NPHS1: variants seen among roughly 807,000 people sequenced by gnomAD.
The protein encoded by NPHS1 is nephrin.
NPHS1 carries 107 observed loss-of-function variants against 139.7 expected under a neutral mutation model. That is an observed-to-expected ratio of 0.77 (90% confidence interval 0.66 to 0.90). NPHS1 has a LOEUF of 0.90. Ranked by LOEUF, NPHS1 falls within the 40% of genes least tolerant of loss-of-function variation. The pLI, the probability that NPHS1 is intolerant of heterozygous loss-of-function variation, is 0.00. For synonymous variants in NPHS1, 707 were observed against 706.6 expected (o/e 1.00, Z -0.01); for missense variants, 1,580 against 1,654.2 (o/e 0.96, Z 0.78).
rs765920439 is a variant in NPHS1 at position 35,839,370 on chromosome 19, T to G, written c.2976A>C (p.Pro992=). Residue 992 remains proline, a synonymous_variant, in exon 22 of 29, where the codon CCA becomes CCC. Coordinates refer to ENST00000378910, the MANE Select transcript of NPHS1 (RefSeq NM_004646.4). ...TCAGCGTGAAGGTGGTGGCCTGGGG[T>G]GGTACGACATCCACATAGTGGAACC... ...TPGFHYVDVV[P]PQATTFTLTG... 6.2e-7 allele frequency: 1 copy of G among 1,613,964 alleles called. No homozygotes were observed. The highest frequency in any genetic ancestry group is 1.3e-5 in the African/African-American group (1 of 74,876).
intron 20 of NPHS1, among the ~76,000 whole-genome samples, chr19:35,840,727 C>A (rs1568452645): frequency 6.9e-6 from 1 of 145,004 alleles, no homozygotes; most frequent in Non-Finnish European, 1.5e-5. Context: ...CTTGCTCTGT[C>A]GCCCAGGCTG....
intron 22 of NPHS1, among the ~76,000 whole-genome samples, chr19:35,837,949 A>AAAAAC (rs1159728592): frequency 6.6e-6 from 1 of 151,274 alleles, no homozygotes; most frequent in Non-Finnish European, 1.5e-5. Context: ...AAAAAAAAAA[A>AAAAAC]AAAAAAAAAA....
chr19:35,849,183 T>G (rs778560866), intron 7 of NPHS1, 36 bp from the exon 8 acceptor site: 11 of 1,612,966 alleles, frequency 6.8e-6, no homozygotes, highest in Non-Finnish European at 9.3e-6. Context: ...AGCTCAGGAC[T>G]GGCTCCCAGA....
chr19:35,845,942 G>C lies in NPHS1; in HGVS notation c.1627+66C>G. 6.5e-7 allele frequency: 1 copy of C among 1,533,402 alleles called. No homozygotes were observed. The highest frequency in any genetic ancestry group is 8.8e-7 in the Non-Finnish European group (1 of 1,136,646). The allele number at this position is 1,533,402 out of a possible 1,614,324, so 95.0% of individuals were successfully genotyped here. A position where few individuals can be genotyped will look rare whatever the true frequency, so the allele number is the denominator to read the frequency against. ...TTTCCCCGGGTCCAGGGTTCGCTGG[G>C]TCCCTGCCCCACCTGGCTCTGTCCC... On this transcript the variant is annotated intron_variant, in intron 12 of 28. Coordinates refer to ENST00000378910, the MANE Select transcript of NPHS1 (RefSeq NM_004646.4). This position sits in a 1 kb window ranked among gnomAD's most constrained non-coding sequence, Gnocchi z 5.5.
Position 35,826,500 on chromosome 19 carries a change from G to A in NPHS1, c.*14C>T, listed in dbSNP as rs570221002. 8.1e-6 allele frequency: 13 copies of A among 1,613,258 alleles called. No individual in the cohort carries two copies. Among genetic ancestry groups the A allele is most frequent in the South Asian group, 1.1e-5 (1 of 91,036 alleles). On this transcript the variant is annotated 3_prime_UTR_variant, in exon 29 of 29. Coordinates refer to ENST00000378910, the MANE Select transcript of NPHS1 (RefSeq NM_004646.4). ...AATTCCTGCAGGTGCAGGACAATGGGGTTGAGAGGGCTCTTACACCAGATG... is the reference window on the plus strand; with the variant it reads ...AATTCCTGCAGGTGCAGGACAATGGAGTTGAGAGGGCTCTTACACCAGATG...
At chr19:35,839,043 CGGTT>C (rs1303583331) in intron 22 of NPHS1, among the ~76,000 whole-genome samples, 190 bp downstream of exon 22, 1 of 152,144 alleles carries the variant, frequency 6.6e-6, no homozygotes. Flanking sequence ...TTGTGGTTAA[CGGTT>C]GGTCTCAAGT....
Position 35,850,414 on chromosome 19 carries a change from G to C in NPHS1, c.558C>G (p.Asn186Lys). Residue 186 changes from asparagine (N) to lysine (K), a missense_variant, in exon 5 of 29, where the codon AAC (asparagine) becomes AAG (lysine). Transcript: ENST00000378910. The part of the protein sequence containing the change: ...SGQTISDISA[N>K]VNEGSQQKLF... ...GTTTCTGCTGGGAGCCCTCGTTCACGTTTGCAGAGATGTCAGATATTGTCT... is the reference window on the plus strand; with the variant it reads ...GTTTCTGCTGGGAGCCCTCGTTCACCTTTGCAGAGATGTCAGATATTGTCT... The C allele has an allele frequency of 6.2e-7, 1 of 1,614,170 alleles. No individual in the cohort carries two copies. The highest frequency in any genetic ancestry group is 8.5e-7 in the Non-Finnish European group (1 of 1,180,020).
At chr19:35,829,540 A>T (rs1304033838) in intron 28 of NPHS1, among the ~76,000 whole-genome samples, 1 of 131,362 alleles carries the variant, frequency 7.6e-6, no homozygotes, top group Non-Finnish European at 1.7e-5. Context: ...TTAATTTTTT[A>T]AACTTTTTTT....
rs749618977 is a variant in NPHS1, at chr19:35,850,417, T to C, written c.555A>G (p.Ala185=). 1.2e-6 allele frequency: 2 copies of C among 1,614,054 alleles called. No homozygotes were observed. Among genetic ancestry groups the C allele is most frequent in the Admixed American group, 3.3e-5 (2 of 60,008 alleles). Residue 185 remains alanine (A), a synonymous_variant, in exon 5 of 29, where the codon GCA becomes GCG. Coordinates refer to ENST00000378910, the MANE Select transcript of NPHS1 (RefSeq NM_004646.4). ...TCTGCTGGGAGCCCTCGTTCACGTT[T>C]GCAGAGATGTCAGATATTGTCTGTC... ...LSGQTISDIS[A]NVNEGSQQKL... is the part of the protein sequence containing the mutation.
At chr19:35,834,700 G>T (rs999019427) in intron 23 of NPHS1, among the ~76,000 whole-genome samples, 6 of 151,712 alleles carry the variant, frequency 4.0e-5, no homozygotes. Context: ...GACCATCCTG[G>T]CTAACGCGGT....
intron 28 of NPHS1, 130 bp from the exon 29 acceptor site, chr19:35,826,775 A>G: frequency 2.0e-6 from 2 of 982,546 alleles, no homozygotes; most frequent in Non-Finnish European, 3.2e-6. Context: ...AAATCCCAAC[A>G]TATACAAAAA....
chr19:35,842,358 A>T (rs1973072234), intron 18 of NPHS1, 21 bp downstream of exon 18: 1 of 1,613,102 alleles, frequency 6.2e-7, no homozygotes, highest in Non-Finnish European at 8.5e-7. Context: ...TCTTGAAGTC[A>T]GGTGTTTGGG....
rs765179034 is a variant in NPHS1, at chr19:35,848,142, CA to C, written c.1338del (p.Ile446MetfsTer16). ...NVKYPAQKLW[I>X]EGPPEGQKLR... ...AGCTTCTGGCCCTCTGGGGGACCCT[CA>C]ATCCACAGTTTCTGGGCGGGATCTG... On this transcript the variant is annotated frameshift_variant, in exon 11 of 29. Transcript: ENST00000378910. LOFTEE classifies it high-confidence loss of function. The C allele has an allele frequency of 6.2e-7, 1 of 1,614,068 alleles. No individual in the cohort carries two copies. The highest frequency in any genetic ancestry group is 2.2e-5 in the East Asian group (1 of 44,884).
chr19:35,826,614 GTGTC>G lies in NPHS1; in HGVS notation c.3622_3625del (p.Asp1208HisfsTer28), dbSNP rs1186290245. ...ATAGATTCCTCTTGGATCCTGATAT[GTGTC>G]TTCAGGCCAGTGGAGGTCCCAGGGT... On this transcript the variant is annotated frameshift_variant, in exon 29 of 29. Transcript: ENST00000378910. LOFTEE classifies it high-confidence loss of function. The G allele has an allele frequency of 2.5e-6, 4 of 1,613,922 alleles. No individual in the cohort carries two copies. The Admixed American group carries it at 6.7e-5, about 27-fold the overall frequency.
intron 4 of NPHS1, 35 bp from the exon 5 acceptor site, chr19:35,850,480 C>T (rs756743728): frequency 5.1e-6 from 8 of 1,572,158 alleles, no homozygotes; most frequent in Non-Finnish European, 7.0e-6. Context: ...GGGTTCCAGG[C>T]TCCCCGCAAG....
At position 35,849,329 on chromosome 19, in the gene NPHS1, G is replaced by T. The variant is rs1467712474; in HGVS notation, c.747C>A (p.Gly249=). 6.2e-7 allele frequency: 1 copy of T among 1,612,692 alleles called. No homozygotes were observed. Among genetic ancestry groups the T allele is most frequent in the Non-Finnish European group, 8.5e-7 (1 of 1,179,948 alleles). Reference sequence around the variant, plus strand: ...CTGCCCGCACGTGCCCCTCATCCAGGCCTGGCCACTCGATGACAGGGGGTC... The same window carrying T: ...CTGCCCGCACGTGCCCCTCATCCAGTCCTGGCCACTCGATGACAGGGGGTC... ...PPGPPVIEWP[G]LDEGHVRAGQ... The change falls in exon 7 of 29, where the codon GGC becomes GGA. Residue 249 remains glycine, a synonymous_variant. Transcript: ENST00000378910.
intron 22 of NPHS1, among the ~76,000 whole-genome samples, chr19:35,836,025 T>A (rs532616924): frequency 2.6e-4 from 38 of 146,490 alleles, no homozygotes; most frequent in African/African-American, 9.6e-4. Context: ...AGTGGCGCAA[T>A]CTCAGCTCAC....
At chr19:35,842,049 G>T in intron 19 of NPHS1, 75 bp downstream of exon 19, 3 of 1,511,786 alleles carry the variant, frequency 2.0e-6, no homozygotes, top group East Asian at 2.3e-5. Flanking sequence ...TTCTCTGCAG[G>T]GACTCAGGGA....
Position 35,849,653 on chromosome 19 carries a change from C to T in NPHS1, c.609G>A (p.Arg203=). ...TATTATCTGAGCTCCGGGGTGTCAC[C>T]CTGGGATGAGAAGTCAGGGTTATAG... is the stretch of plus-strand genomic sequence containing the variant. ...QKLFTVEATA[R]VTPRSSDNRQ... Residue 203 remains arginine (R), a splice_region_variant and synonymous_variant, in exon 6 of 29, where the codon AGG becomes AGA. Transcript: ENST00000378910. 2 of 1,612,064 alleles carry T rather than the reference C, an allele frequency of 1.2e-6. No homozygotes were observed. Among genetic ancestry groups the T allele is most frequent in the Admixed American group, 1.7e-5 (1 of 60,004 alleles).
Sources: allele counts gnomAD v4.1 joint callset (sites outside exome capture counted in the v4.1 genomes callset), GRCh38; gene constraint gnomAD v4.1.1; non-coding constraint Gnocchi (gnomAD v3.1); transcripts MANE v1.5; gene names NCBI Gene and HGNC (gene_info 2026-07-23, HGNC 2026-07-21).